The following GCSAM variants were observed in gnomAD, a reference collection of about 807,000 sequenced individuals.
GCSAM encodes the protein germinal center associated signaling and motility.
A neutral mutation model predicts 17.6 loss-of-function variants in GCSAM; 8 were observed. That is an observed-to-expected ratio of 0.46 (90% confidence interval 0.27 to 0.82). GCSAM has a LOEUF of 0.82. GCSAM is among the 40% of genes least tolerant of loss of function. GCSAM has a pLI of 0.15. For synonymous variants in GCSAM, 68 were observed against 69.0 expected (o/e 0.98, Z 0.07); for missense variants, 192 against 213.5 (o/e 0.90, Z 0.63).
intron 1 of GCSAM, chr3:112,132,873 A>T: frequency 3.9e-6 from 2 of 518,974 alleles, no homozygotes; most frequent in South Asian, 6.1e-5. Context: ...GCTATTCTCC[A>T]TCAGCTGCTC....
At chr3:112,130,559 G>A (rs778367142) in intron 1 of GCSAM, 46 bp from the exon 2 acceptor site, 4 of 1,516,162 alleles carry the variant, frequency 2.6e-6, no homozygotes, top group Admixed American at 1.7e-5. Flanking sequence ...TCCTAAACAG[G>A]CCTGTCACTT....
rs2107819766 is a variant in GCSAM, at chr3:112,133,200, A to C, written c.-80T>G. ...TTGTGCTCTGACAGGGCAACTCCTG[A>C]CTTAAAGAAAGGGCTGTGTGGCTCT... is the stretch of plus-strand genomic sequence containing the variant. On this transcript the variant is annotated 5_prime_UTR_variant, in exon 1 of 6. Transcript: ENST00000308910. 6.6e-7 allele frequency: 1 copy of C among 1,510,352 alleles called. No homozygotes were observed. Among genetic ancestry groups the C allele is most frequent in the Middle Eastern group, 1.7e-4 (1 of 5,856 alleles). The allele number at this position is 1,510,352 out of a possible 1,614,324, so 93.6% of individuals were successfully genotyped here. A position where few individuals can be genotyped will look rare whatever the true frequency, so the allele number is the denominator to read the frequency against.
intron 4 of GCSAM, among the ~76,000 whole-genome samples, chr3:112,125,505 G>A (rs1038392933): frequency 6.6e-6 from 1 of 152,040 alleles, no homozygotes; most frequent in Non-Finnish European, 1.5e-5. Context: ...AGGAAATCAC[G>A]ATTTCTTCCT....
chr3:112,127,900 A>G lies in GCSAM; in HGVS notation c.143+117T>C, dbSNP rs1192234985. On this transcript the variant is annotated intron_variant, in intron 3 of 5. Transcript: ENST00000308910. ...CCCTGATTAACTCTTAGGTGATTGT[A>G]TCTGGGCTACTGACAGGCTTCCACT... 7 of 779,748 alleles carry G rather than the reference A, an allele frequency of 9.0e-6. No homozygotes were observed. In the African/African-American group the frequency reaches 1.0e-4, roughly 11 times the overall value. The allele number at this position is 779,748 out of a possible 1,614,324, so 48.3% of individuals were successfully genotyped here.
intron 2 of GCSAM, chr3:112,129,992 C>T (rs1005190735): frequency 8.2e-5 from 13 of 157,962 alleles, no homozygotes; most frequent in Non-Finnish European, 1.7e-4. Context: ...ATGAGGTGGT[C>T]TTTGTTTAAC....
chr3:112,133,121 C>T lies in GCSAM; in HGVS notation c.-1G>A, dbSNP rs753406337. On this transcript the variant is annotated 5_prime_UTR_variant, in exon 1 of 6. Transcript: ENST00000308910. ...TTTCTCTCAGCAGAGAATTTCCCAT[C>T]CTCTCAGTCCTCTCAGGGCTTCCCC... The T allele has an allele frequency of 6.2e-7, 1 of 1,613,786 alleles. No homozygotes were observed. The highest frequency in any genetic ancestry group is 8.5e-7 in the Non-Finnish European group (1 of 1,179,742).
Position 112,125,725 on chromosome 3 carries a change from G to A in GCSAM, c.191-471C>T, listed in dbSNP as rs189239227. On this transcript the variant is annotated intron_variant, in intron 4 of 5. Coordinates refer to ENST00000308910, the MANE Select transcript of GCSAM (RefSeq NM_152785.5). ...CCACACTGTGGAGCAGAGGGCCGTC[G>A]TTTCTACTCTAGGTGACGGGATGGT... 7.0e-4 allele frequency among the ~76,000 whole-genome samples: 107 copies of A among 152,340 alleles called. 1 individual carries two copies. Among genetic ancestry groups the A allele is most frequent in the Middle Eastern group, 3.4e-3 (1 of 294 alleles).
At position 112,132,741 on chromosome 3, in the gene GCSAM, T is replaced by G. The variant is rs1051729843; in HGVS notation, c.29+351A>C. 11 of 829,764 alleles carry G rather than the reference T, an allele frequency of 1.3e-5. No individual in the cohort carries two copies. In the Admixed American group the frequency reaches 6.6e-4, roughly 50 times the overall value. The allele number at this position is 829,764 out of a possible 1,614,324, so 51.4% of individuals were successfully genotyped here. On this transcript the variant is annotated intron_variant, in intron 1 of 5. Coordinates refer to ENST00000308910, the MANE Select transcript of GCSAM (RefSeq NM_152785.5). The stretch of plus-strand genomic sequence containing the variant: ...CTGAAAGAGGGTGGTGATTTTGACC[T>G]CCTTGTGGAGCATGAGGAGCTCAGG...
At chr3:112,130,257 A>G in intron 2 of GCSAM, 188 bp downstream of exon 2, 2 of 608,872 alleles carry the variant, frequency 3.3e-6, no homozygotes, top group East Asian at 5.3e-5. Flanking sequence ...GCTTCTAGCA[A>G]AGTAGCATAT....
Position 112,121,255 on chromosome 3 carries a change from G to A in GCSAM, c.*2200C>T, listed in dbSNP as rs1423509704. ...CAGTCTACTTCCACAATGGTCCAGT[G>A]GCCATGTGAAAAATTCTAGCATAAA... On this transcript the variant is annotated 3_prime_UTR_variant, in exon 6 of 6. Coordinates refer to ENST00000308910, the MANE Select transcript of GCSAM (RefSeq NM_152785.5). 6.6e-6 allele frequency: 1 copy of A among 152,146 alleles called. No individual in the cohort carries two copies. The highest frequency in any genetic ancestry group is 2.4e-5 in the African/African-American group (1 of 41,442). The allele number at this position is 152,146 out of a possible 1,614,324, so 9.4% of individuals were successfully genotyped here. A position where few individuals can be genotyped will look rare whatever the true frequency, so the allele number is the denominator to read the frequency against.
intron 2 of GCSAM, chr3:112,130,244 T>G (rs1301659339): frequency 1.7e-6 from 1 of 594,662 alleles, no homozygotes; most frequent in Non-Finnish European, 3.0e-6. Flanking sequence ...GGAGTTACAT[T>G]AGGCTTCTAG....
chr3:112,133,068 C>G (rs2074496886), intron 1 of GCSAM, 24 bp downstream of exon 1: 1 of 1,611,318 alleles, frequency 6.2e-7, no homozygotes, highest in African/African-American at 1.3e-5. Context: ...CTCCTCTGCT[C>G]TCCCACAGGG....
In GCSAM at chr3:112,122,859, A is replaced by G. The variant is rs1384499216; in HGVS notation, c.*596T>C. The G allele has an allele frequency of 6.6e-6, 1 of 152,334 alleles. No individual in the cohort carries two copies. The highest frequency in any genetic ancestry group is 1.5e-5 in the Non-Finnish European group (1 of 68,128). The allele number at this position is 152,334 out of a possible 1,614,324, so 9.4% of individuals were successfully genotyped here. The stretch of plus-strand genomic sequence containing the variant: ...TACAAAGTTAAAAATAAAATCATAT[A>G]GGTTAAAATTATGTAAACATCTGGC... On this transcript the variant is annotated 3_prime_UTR_variant, in exon 6 of 6. Coordinates refer to ENST00000308910, the MANE Select transcript of GCSAM (RefSeq NM_152785.5).
At chr3:112,132,043 A>T (rs899261858) in intron 1 of GCSAM, among the ~76,000 whole-genome samples, 2 of 152,216 alleles carry the variant, frequency 1.3e-5, no homozygotes, top group Admixed American at 6.5e-5. Context: ...ATTCAAAGAT[A>T]AATAAGAAAC....
intron 2 of GCSAM, chr3:112,128,864 T>C (rs2074389006): frequency 6.6e-6 from 1 of 152,412 alleles, no homozygotes; most frequent in South Asian, 2.1e-4. Flanking sequence ...CATGGTTGAA[T>C]GTGAAAGCCC....
chr3:112,125,247 T>A lies in GCSAM; in HGVS notation c.198A>T (p.Arg66Ser). 6.3e-7 allele frequency: 1 copy of A among 1,579,918 alleles called. No homozygotes were observed. Among genetic ancestry groups the A allele is most frequent in the Non-Finnish European group, 8.7e-7 (1 of 1,148,954 alleles). Residue 66 changes from arginine to serine, a missense_variant, in exon 5 of 6, where the codon AGA becomes AGT. Coordinates refer to ENST00000308910, the MANE Select transcript of GCSAM (RefSeq NM_152785.5). ...KRQDSQNENE[R>S]MSSTPIQDNV... is the part of the protein sequence containing the mutation. ...TTACCTGGATGGGAGTAGATGACAT[T>A]CTTTCATCTGGAGAAAGAAAATACA...
intron 3 of GCSAM, among the ~76,000 whole-genome samples, chr3:112,127,768 C>T (rs979794791): frequency 7.2e-5 from 11 of 152,182 alleles, no homozygotes; most frequent in Non-Finnish European, 1.2e-4. Flanking sequence ...ATGTTTTCTA[C>T]GTTAGTAGCT....
chr3:112,128,377 A>T, intron 2 of GCSAM: 1 of 490,026 alleles, frequency 2.0e-6, no homozygotes, highest in Non-Finnish European at 3.8e-6. Context: ...TATCCCCAGG[A>T]AATCAAGGTA....
In GCSAM at chr3:112,123,498, C is replaced by G; in HGVS notation, c.494G>C (p.Arg165Pro). The G allele has an allele frequency of 6.2e-7, 1 of 1,614,098 alleles. No homozygotes were observed. Among genetic ancestry groups the G allele is most frequent in the Non-Finnish European group, 8.5e-7 (1 of 1,179,994 alleles). Reference protein sequence around the residue: ...RISSHFLQQPRPLMAPSETQF... With the variant: ...RISSHFLQQPPPLMAPSETQF... ...AGTCTCAGAAGGGGCCATAAGTGGACGTGGCTGTTGCAGAAAGTGAGAGGA... is the reference window on the plus strand; with the variant it reads ...AGTCTCAGAAGGGGCCATAAGTGGAGGTGGCTGTTGCAGAAAGTGAGAGGA... Residue 165 changes from arginine to proline, a missense_variant, in exon 6 of 6, where the codon CGT becomes CCT. Transcript: ENST00000308910.
Sources: allele counts gnomAD v4.1 joint callset (sites outside exome capture counted in the v4.1 genomes callset), GRCh38; gene constraint gnomAD v4.1.1; transcripts MANE v1.5; gene names NCBI Gene and HGNC (gene_info 2026-07-23, HGNC 2026-07-21).